The following PCDH11X variants were observed in gnomAD, a reference collection of about 807,000 sequenced individuals.
PCDH11X encodes protocadherin-11 X-linked.
Under a neutral mutation model 53.3 loss-of-function variants are expected in PCDH11X, and 18 were observed. That is an observed-to-expected ratio of 0.34 (90% CI 0.23 to 0.50). PCDH11X has a LOEUF of 0.50. PCDH11X is among the 20% of genes least tolerant of loss of function. The probability of loss-of-function intolerance (pLI) is 0.98; values close to 1 mark genes in which losing one functional copy is unlikely to be tolerated. For synonymous variants in PCDH11X, 279 were observed against 393.3 expected, an observed-to-expected ratio of 0.71 and a Z score of 3.44; for missense variants, 570 against 1,032.4, an observed-to-expected ratio of 0.55 and a Z score of 6.14.
intron 6 of PCDH11X, among the ~76,000 whole-genome samples, chrX:91,895,895 A>G (rs1392936224): frequency 2.8e-4 from 29 of 104,443 alleles, no homozygotes; most frequent in Non-Finnish European, 4.6e-4. Context: ...TGTATTATAT[A>G]TTATACATAT....
chrX:91,927,248 T>C (rs1243547696), intron 6 of PCDH11X, among the ~76,000 whole-genome samples: 2 of 109,440 alleles, frequency 1.8e-5, no homozygotes, highest in Non-Finnish European at 3.8e-5. Context: ...ATGTAGTCAA[T>C]ATGATCGCAA....
At chrX:92,045,243 A>G (rs1339827992) in intron 6 of PCDH11X, among the ~76,000 whole-genome samples, 1 of 106,532 alleles carries the variant, frequency 9.4e-6, no homozygotes, top group Non-Finnish European at 1.9e-5. Flanking sequence ...TTGTAGTCAA[A>G]TTAGTGCAGA....
chrX:92,422,765 C>T (rs1837217904), intron 9 of PCDH11X, among the ~76,000 whole-genome samples: 1 of 111,636 alleles, frequency 9.0e-6, no homozygotes, highest in Non-Finnish European at 1.9e-5. Flanking sequence ...CTAGTTTACA[C>T]TCCCACCAAC....
chrX:92,436,392 T>C (rs57759407), intron 9 of PCDH11X, among the ~76,000 whole-genome samples: 2,938 of 111,716 alleles, frequency 0.026, 80 homozygotes, highest in East Asian at 0.09. Flanking sequence ...ATAAATTAGT[T>C]CAACCATTAT....
At position 92,535,908 on chromosome X, in the gene PCDH11X, G is replaced by A. The variant is rs761972765; in HGVS notation, c.3367+67586G>A. ...TTACCTTATCAAAAATTTTGCATAAGCTTGGTGAATAAAATACATTTCAGA... is the reference window on the plus strand; with the variant it reads ...TTACCTTATCAAAAATTTTGCATAAACTTGGTGAATAAAATACATTTCAGA... On this transcript the variant is annotated intron_variant, in intron 10 of 10. Transcript: ENST00000682573. 9.2e-5 allele frequency among the ~76,000 whole-genome samples: 10 copies of A among 108,187 alleles called. No homozygotes were observed. In the East Asian group the frequency reaches 2.9e-3, roughly 31 times the overall value. 93.9% of individuals were successfully genotyped at this position (108,187 alleles called of 115,157 possible).
intron 6 of PCDH11X, among the ~76,000 whole-genome samples, chrX:92,072,273 G>A (rs2063713923): frequency 9.0e-6 from 1 of 110,671 alleles, no homozygotes; most frequent in South Asian, 3.9e-4. Context: ...AAGACTGCTT[G>A]TTGCTCTACC....
At chrX:91,932,697 T>C (rs868834495) in intron 6 of PCDH11X, among the ~76,000 whole-genome samples, 1 of 95,192 alleles carries the variant, frequency 1.1e-5, no homozygotes, top group African/African-American at 4.3e-5. Flanking sequence ...TGTGTGTGTG[T>C]GTGCGCGCGC....
chrX:92,293,832 G>C (rs1258843663), intron 8 of PCDH11X, among the ~76,000 whole-genome samples: 1 of 106,070 alleles, frequency 9.4e-6, no homozygotes, highest in Non-Finnish European at 1.9e-5. Flanking sequence ...CCTGACGACT[G>C]TCATAGTCAA....
intron 10 of PCDH11X, among the ~76,000 whole-genome samples, chrX:92,493,108 A>G (rs2073795652): frequency 9.0e-6 from 1 of 111,385 alleles, no homozygotes; most frequent in Non-Finnish European, 1.9e-5. Flanking sequence ...TTTTGTAAGT[A>G]TCTATTTAAA....
intron 10 of PCDH11X, among the ~76,000 whole-genome samples, chrX:92,491,176 T>G (rs189312233): frequency 9.0e-6 from 1 of 110,690 alleles, no homozygotes; most frequent in African/African-American, 3.3e-5. Flanking sequence ...CCCAGAATCG[T>G]AGTTCAAATT....
intron 8 of PCDH11X, among the ~76,000 whole-genome samples, chrX:92,386,453 A>G (rs1423651783): frequency 9.2e-6 from 1 of 109,252 alleles, no homozygotes; most frequent in African/African-American, 3.3e-5. Context: ...CTATTGTTAC[A>G]TAGCAAACCA....
At chrX:92,537,401 A>T (rs2074680054) in intron 10 of PCDH11X, among the ~76,000 whole-genome samples, 1 of 110,267 alleles carries the variant, frequency 9.1e-6, no homozygotes, top group South Asian at 3.9e-4. Flanking sequence ...TTTATGGATT[A>T]GAATAATCAA....
chrX:92,034,700 T>A (rs1282577684), intron 6 of PCDH11X, among the ~76,000 whole-genome samples: 1 of 110,415 alleles, frequency 9.1e-6, no homozygotes, highest in African/African-American at 3.3e-5. Context: ...TCCATTCAGC[T>A]GTTTTATGCC....
intron 8 of PCDH11X, among the ~76,000 whole-genome samples, chrX:92,270,982 T>C (rs780974041): frequency 9.1e-6 from 1 of 110,317 alleles, no homozygotes; most frequent in African/African-American, 3.3e-5. Flanking sequence ...AGAGTTGTCT[T>C]AAACTTCAGG....
rs1164396401 is a variant in PCDH11X at position 92,147,984 on chromosome X, CCTTT to C, written c.3034-53370_3034-53367del. ...CTTTCCCTTCCTTCCTTCCTTCCTT[CCTTT>C]CTTTCTTTCTTTCTTTCTTTTTCTT... is the stretch of plus-strand genomic sequence containing the variant. On this transcript the variant is annotated intron_variant, in intron 6 of 10. Transcript: ENST00000682573. Among the ~76,000 whole-genome samples the C allele has an allele frequency of 3.5e-3, 253 of 72,127 alleles. 2 individuals are homozygous for C. The highest frequency in any genetic ancestry group is 7.9e-3 in the Middle Eastern group (1 of 127). The allele number at this position is 72,127 out of a possible 115,157, so 62.6% of individuals were successfully genotyped here. A position where few individuals can be genotyped will look rare whatever the true frequency, so the allele number is the denominator to read the frequency against.
chrX:92,022,174 T>A (rs1287814906), intron 6 of PCDH11X, among the ~76,000 whole-genome samples: 1 of 108,195 alleles, frequency 9.2e-6, no homozygotes, highest in Non-Finnish European at 1.9e-5. Context: ...ATAACAATAT[T>A]AACCTTAAAG....
At position 91,885,220 on chromosome X, in the gene PCDH11X, A is replaced by C. The variant is rs761230524; in HGVS notation, c.3033+5947A>C. Among the ~76,000 whole-genome samples the C allele has an allele frequency of 4.5e-3, 492 of 109,505 alleles. 1 individual carries two copies. The highest frequency in any genetic ancestry group is 0.016 in the African/African-American group (471 of 30,237). ...CATACTCTTAAACAACTGTTGTAGA[A>C]AAGTTGCTTGAAATTAAAATACACA... On this transcript the variant is annotated intron_variant, in intron 6 of 10. Transcript: ENST00000682573.
intron 8 of PCDH11X, among the ~76,000 whole-genome samples, chrX:92,357,285 T>G (rs2070233791): frequency 8.9e-6 from 1 of 111,732 alleles, no homozygotes; most frequent in South Asian, 3.7e-4. Flanking sequence ...AAATAATGCA[T>G]GTTGATGTCC....
At position 92,082,211 on chromosome X, in the gene PCDH11X, T is replaced by G. The variant is rs1199787777; in HGVS notation, c.3034-119164T>G. Among the ~76,000 whole-genome samples the G allele has an allele frequency of 3.7e-5, 4 of 109,110 alleles. No individual in the cohort carries two copies. The Admixed American group carries it at 4.0e-4, about 11-fold the overall frequency. The allele number at this position is 109,110 out of a possible 115,157, so 94.7% of individuals were successfully genotyped here. ...AATTGAATAGGTTTTAAACACTAAA[T>G]AAAGGTTTTAGTTTACAGATAAGAA... is the stretch of plus-strand genomic sequence containing the variant. On this transcript the variant is annotated intron_variant, in intron 6 of 10. Coordinates refer to ENST00000682573, the MANE Select transcript of PCDH11X (RefSeq NM_032968.5).
Sources: gnomAD v4.1 joint callset for allele counts (sites outside exome capture counted in the v4.1 genomes callset) on GRCh38, gnomAD v4.1.1 for gene constraint, MANE v1.5 for transcripts, NCBI Gene and HGNC (gene_info 2026-07-23, HGNC 2026-07-21) for gene names.